CFAP97: variants seen among roughly 807,000 people sequenced by gnomAD.
CFAP97 encodes cilia and flagella associated protein 97.
Under a neutral mutation model 43.1 loss-of-function variants are expected in CFAP97, and 36 were observed. That is an observed-to-expected ratio of 0.84 (90% CI 0.64 to 1.10). The LOEUF (loss-of-function observed/expected upper bound fraction) is 1.10. Ranked by LOEUF, CFAP97 falls within the 50% of genes least tolerant of loss-of-function variation. The pLI is 0.00. For missense variants in CFAP97, 657 were observed against 620.3 expected, an observed-to-expected ratio of 1.06 and a Z score of -0.63; for synonymous variants, 228 against 225.7, an observed-to-expected ratio of 1.01 and a Z score of -0.09.
In CFAP97 at chr4:185,190,660, G is replaced by A. The variant is rs374987564; in HGVS notation, c.537C>T (p.Ser179=). ...AATCTGTACCTGAACCTGAAGATGA[G>A]GAAGATAAAGAGGAGGAGGAAGAGG... is the stretch of plus-strand genomic sequence containing the variant. The part of the protein sequence containing the change: ...VSSSSSSSLS[S]SSSGSGTDCL... The change falls in exon 2 of 5, where the codon TCC becomes TCT. Residue 179 remains serine (S), a synonymous_variant. Transcript: ENST00000458385. The A allele has an allele frequency of 2.5e-5, 39 of 1,580,812 alleles. No homozygotes were observed. In the African/African-American group the frequency reaches 4.4e-4, roughly 18 times the overall value.
chr4:185,201,470 A>G (rs910555960), intron 1 of CFAP97, among the ~76,000 whole-genome samples: 5 of 152,142 alleles, frequency 3.3e-5, no homozygotes, highest in African/African-American at 9.7e-5. Flanking sequence ...AGCCATCCCA[A>G]CCTTCAGCAC....
intron 1 of CFAP97, among the ~76,000 whole-genome samples, chr4:185,198,953 T>C (rs1377148341): frequency 1.3e-5 from 2 of 152,190 alleles, no homozygotes; most frequent in Non-Finnish European, 1.5e-5. Context: ...TCTAGGATTT[T>C]CATAGCTAGA....
At chr4:185,185,812 G>T (rs2111373772) in intron 2 of CFAP97, among the ~76,000 whole-genome samples, 1 of 151,756 alleles carries the variant, frequency 6.6e-6, no homozygotes, top group African/African-American at 2.4e-5. Flanking sequence ...GCTAATTTTT[G>T]TATTTTTTGT....
intron 2 of CFAP97, among the ~76,000 whole-genome samples, chr4:185,177,863 A>T (rs1203167521): frequency 6.6e-6 from 1 of 152,108 alleles, no homozygotes; most frequent in African/African-American, 2.4e-5. Context: ...AATAAATAAA[A>T]AATAAATAAA....
chr4:185,202,248 G>A (rs769586416), intron 1 of CFAP97, among the ~76,000 whole-genome samples: 1 of 152,152 alleles, frequency 6.6e-6, no homozygotes, highest in African/African-American at 2.4e-5. Flanking sequence ...GTATGTGTGT[G>A]GCTGGGCATG....
upstream of CFAP97, among the ~76,000 whole-genome samples, chr4:185,207,480 A>G (rs1257074203): frequency 6.6e-6 from 1 of 152,070 alleles, no homozygotes; most frequent in African/African-American, 2.4e-5. Context: ...GGCTTCCCAA[A>G]GTGCTGGGAT....
At chr4:185,183,814 G>A (rs1377103448) in intron 2 of CFAP97, among the ~76,000 whole-genome samples, 3 of 152,098 alleles carry the variant, frequency 2.0e-5, no homozygotes, top group Non-Finnish European at 2.9e-5. Context: ...AGCCCTGAGC[G>A]CCACCTACTG....
chr4:185,170,602 A>AC (rs1205173779), intron 3 of CFAP97, among the ~76,000 whole-genome samples: 2 of 150,832 alleles, frequency 1.3e-5, no homozygotes, highest in African/African-American at 4.9e-5. Context: ...TTTAGTAGAG[A>AC]TGGGTTTCGC....
At chr4:185,165,465 C>A (rs919771948) in intron 3 of CFAP97, among the ~76,000 whole-genome samples, 3 of 152,094 alleles carry the variant, frequency 2.0e-5, no homozygotes, top group African/African-American at 7.2e-5. Context: ...ATCCTGTTGG[C>A]TTTTCGTAGG....
In CFAP97 at chr4:185,162,665, T is replaced by C. The variant is rs1734911862; in HGVS notation, c.*133A>G. The stretch of plus-strand genomic sequence containing the variant: ...ACAATAATTTTGCACTGAATAACAA[T>C]ACATTACAACTCACTGTTGTACACC... On this transcript the variant is annotated 3_prime_UTR_variant, in exon 5 of 5. Transcript: ENST00000458385. The C allele has an allele frequency of 1.1e-6, 1 of 938,328 alleles. No individual in the cohort carries two copies. The highest frequency in any genetic ancestry group is 1.7e-5 in the African/African-American group (1 of 59,448). The allele number at this position is 938,328 out of a possible 1,614,324, so 58.1% of individuals were successfully genotyped here. A position where few individuals can be genotyped will look rare whatever the true frequency, so the allele number is the denominator to read the frequency against.
intron 1 of CFAP97, among the ~76,000 whole-genome samples, chr4:185,202,650 G>A (rs1266884492): frequency 3.3e-5 from 5 of 151,942 alleles, no homozygotes; most frequent in African/African-American, 4.8e-5. Flanking sequence ...CCACAACTAT[G>A]CCTTTATCTG....
chr4:185,165,447 AAG>A, intron 3 of CFAP97, among the ~76,000 whole-genome samples: 2 of 152,340 alleles, frequency 1.3e-5, no homozygotes, highest in South Asian at 4.1e-4. Context: ...TAAAAGGTGA[AAG>A]AGTTTATCCT....
In CFAP97 at chr4:185,189,465, GTTC is replaced by G. The variant is rs575418921; in HGVS notation, c.1054+675_1054+677del. 1.1e-4 allele frequency among the ~76,000 whole-genome samples: 17 copies of G among 152,186 alleles called. No homozygotes were observed. The East Asian group carries it at 2.9e-3, about 26-fold the overall frequency. On this transcript the variant is annotated intron_variant, in intron 2 of 4. Transcript: ENST00000458385. ...ACCTAAAACCCACCCAGTATTATTA[GTTC>G]TATTAACTAATCCAAAGATAAACTT...
chr4:185,209,801 C>T, upstream of CFAP97: 1 of 983,798 alleles, frequency 1.0e-6, no homozygotes, highest in Non-Finnish European at 1.2e-6. The surrounding 1 kb of genome is among the most constrained non-coding windows in gnomAD (Gnocchi z 5.2). Flanking sequence ...GGAGATGTGC[C>T]TGTCCTTAGC....
chr4:185,177,696 G>A (rs1348681811), intron 2 of CFAP97, among the ~76,000 whole-genome samples: 2 of 151,590 alleles, frequency 1.3e-5, no homozygotes, highest in Middle Eastern at 3.4e-3. Context: ...TTAGCTGGGC[G>A]TGGTGGCACA....
At chr4:185,179,327 T>A (rs1382350571) in intron 2 of CFAP97, among the ~76,000 whole-genome samples, 3 of 152,082 alleles carry the variant, frequency 2.0e-5, no homozygotes, top group African/African-American at 7.3e-5. Flanking sequence ...AAATTAAAGA[T>A]TATTATAATT....
At chr4:185,193,640 CTG>C (rs1736405379) in intron 1 of CFAP97, among the ~76,000 whole-genome samples, 2 of 152,196 alleles carry the variant, frequency 1.3e-5, no homozygotes, top group South Asian at 2.1e-4. Context: ...CAATATGAGA[CTG>C]TGTCTTAAAA....
chr4:185,160,742 G>T lies in CFAP97; in HGVS notation c.*2056C>A, dbSNP rs986953219. On this transcript the variant is annotated 3_prime_UTR_variant, in exon 5 of 5. Transcript: ENST00000458385. ...TACAGTTGTTATTTATAAAACTATT[G>T]TGTTGTATCCTGACATGTGGCAACA... 2 of 151,244 alleles carry T rather than the reference G, an allele frequency of 1.3e-5. No homozygotes were observed. The highest frequency in any genetic ancestry group is 2.9e-5 in the Non-Finnish European group (2 of 67,804). The allele number at this position is 151,244 out of a possible 1,614,324, so 9.4% of individuals were successfully genotyped here.
chr4:185,164,295 A>C, intron 3 of CFAP97, 116 bp from the exon 4 acceptor site: 1 of 1,030,528 alleles, frequency 9.7e-7, no homozygotes, highest in South Asian at 1.7e-5. Flanking sequence ...AAGAGACAAG[A>C]TCTTACTCTG....
Sources: allele counts gnomAD v4.1 joint callset (sites outside exome capture counted in the v4.1 genomes callset), GRCh38; gene constraint gnomAD v4.1.1; non-coding constraint Gnocchi (gnomAD v3.1); transcripts MANE v1.5; gene names NCBI Gene and HGNC (gene_info 2026-07-23, HGNC 2026-07-21).